Variants in TMED10 observed in about 807,000 individuals in gnomAD.
TMED10 encodes transmembrane p24 trafficking protein 10, also known as transmembrane emp24 domain-containing protein 10.
Under a neutral mutation model 23.1 loss-of-function variants are expected in TMED10, and 7 were observed. The observed-to-expected ratio is 0.30, with a 90% CI of 0.17 to 0.57. The LOEUF is 0.57. TMED10 is among the 20% of genes least tolerant of loss of function. The pLI, the probability that TMED10 is intolerant of heterozygous loss-of-function variation, is 0.91. For missense variants in TMED10, 162 were observed against 274.8 expected, an observed-to-expected ratio of 0.59 and a Z score of 2.90; for synonymous variants, 113 against 106.9, an observed-to-expected ratio of 1.06 and a Z score of -0.35.
intron 1 of TMED10, among the ~76,000 whole-genome samples, chr14:75,171,179 A>G (rs1896228295): frequency 2.6e-5 from 4 of 151,896 alleles, no homozygotes; most frequent in Admixed American, 1.3e-4. Context: ...ATAGCCGGGG[A>G]AGGAGGGAGG....
At chr14:75,152,209 G>A in intron 1 of TMED10, 66 bp from the exon 2 acceptor site, 1 of 1,293,132 alleles carries the variant, frequency 7.7e-7, no homozygotes, top group Non-Finnish European at 1.1e-6. Context: ...TACAGAAACT[G>A]GGAAGATAGA....
chr14:75,137,694 C>CTCTT (rs1895769426), intron 3 of TMED10, among the ~76,000 whole-genome samples: 1 of 69,566 alleles, frequency 1.4e-5, no homozygotes, highest in African/African-American at 5.2e-5. Flanking sequence ...AAAAAAAATT[C>CTCTT]TGTTTCTTTC....
chr14:75,161,979 G>A (rs1008518562), intron 1 of TMED10, among the ~76,000 whole-genome samples: 1 of 151,358 alleles, frequency 6.6e-6, no homozygotes, highest in African/African-American at 2.4e-5. Context: ...GCATCTTATA[G>A]TGCCAGAAAG....
chr14:75,158,695 C>T (rs1035641624), intron 1 of TMED10, among the ~76,000 whole-genome samples: 12 of 151,888 alleles, frequency 7.9e-5, no homozygotes, highest in South Asian at 2.1e-4. Flanking sequence ...GAGGCCGAGG[C>T]GGGCAGATCA....
In TMED10 at chr14:75,170,152, C is replaced by T. The variant is rs559254283; in HGVS notation, c.225+6203G>A. ...TGAGGCAGGAGAATGGTGTGAACCC[C>T]GGGGAGCAGAGCCTGCAGTGAGCCA... On this transcript the variant is annotated intron_variant, in intron 1 of 4. Coordinates refer to ENST00000303575, the MANE Select transcript of TMED10 (RefSeq NM_006827.6). 7.2e-5 allele frequency among the ~76,000 whole-genome samples: 11 copies of T among 152,054 alleles called. No individual in the cohort carries two copies. The East Asian group carries it at 1.4e-3, about 19-fold the overall frequency.
In TMED10 at chr14:75,151,559, C is replaced by T. The variant is rs190654360; in HGVS notation, c.337+473G>A. ...CACTTTGTTAGAGCAGTTTTAGGTTCACAACAAAACTGAGAGGAAGGCACA... is the reference window on the plus strand; with the variant it reads ...CACTTTGTTAGAGCAGTTTTAGGTTTACAACAAAACTGAGAGGAAGGCACA... On this transcript the variant is annotated intron_variant, in intron 2 of 4. Transcript: ENST00000303575. 2.0e-5 allele frequency among the ~76,000 whole-genome samples: 3 copies of T among 152,240 alleles called. No homozygotes were observed. In the East Asian group the frequency reaches 5.8e-4, roughly 29 times the overall value.
At chr14:75,164,566 TATATATA>T (rs1354569345) in intron 1 of TMED10, among the ~76,000 whole-genome samples, 1 of 2,828 alleles carries the variant, frequency 3.5e-4, no homozygotes, top group African/African-American at 9.3e-4. Flanking sequence ...TATATATATA[TATATATA>T]TATATTTTTT....
At chr14:75,149,577 AC>A (rs1895930710) in intron 2 of TMED10, among the ~76,000 whole-genome samples, 2 of 152,272 alleles carry the variant, frequency 1.3e-5, no homozygotes, top group Admixed American at 1.3e-4. Context: ...TATACACAAA[AC>A]AACTATGGTG....
chr14:75,164,973 T>C (rs991502165), intron 1 of TMED10, among the ~76,000 whole-genome samples: 5 of 152,050 alleles, frequency 3.3e-5, no homozygotes, highest in African/African-American at 9.7e-5. Flanking sequence ...GAATCCAAGA[T>C]GATGCCAGCT....
chr14:75,156,837 G>C (rs927567186), intron 1 of TMED10, among the ~76,000 whole-genome samples: 2 of 151,578 alleles, frequency 1.3e-5, no homozygotes, highest in African/African-American at 4.9e-5. Context: ...GCTGAGGCAG[G>C]AGAATCGTTT....
intron 2 of TMED10, 72 bp from the exon 3 acceptor site, chr14:75,147,809 G>GCCCT: frequency 4.6e-6 from 6 of 1,302,590 alleles, no homozygotes; most frequent in East Asian, 2.8e-5. Context: ...CCACCCGCCC[G>GCCCT]CCCTCCCTCT....
chr14:75,176,594 G>C lies in TMED10; in HGVS notation c.-15C>G, dbSNP rs866580476. ...AAACCAGACATGGTGCTGGAGACTCGTTCACCACCGAAGGCCTCAACCGCG... is the reference window on the plus strand; with the variant it reads ...AAACCAGACATGGTGCTGGAGACTCCTTCACCACCGAAGGCCTCAACCGCG... On this transcript the variant is annotated 5_prime_UTR_variant, in exon 1 of 5. Coordinates refer to ENST00000303575, the MANE Select transcript of TMED10 (RefSeq NM_006827.6). 1.9e-6 allele frequency: 3 copies of C among 1,613,500 alleles called. No individual in the cohort carries two copies. Among genetic ancestry groups the C allele is most frequent in the Admixed American group, 3.3e-5 (2 of 59,962 alleles).
At chr14:75,173,515 G>A (rs1028986092) in intron 1 of TMED10, among the ~76,000 whole-genome samples, 5 of 152,060 alleles carry the variant, frequency 3.3e-5, no homozygotes, top group African/African-American at 1.2e-4. Flanking sequence ...TTTCTACTAC[G>A]TCCAATTATT....
chr14:75,139,635 CAAAAAAA>C, intron 3 of TMED10, among the ~76,000 whole-genome samples: 2 of 109,294 alleles, frequency 1.8e-5, no homozygotes, highest in Middle Eastern at 5.0e-3. Context: ...GACTCCGACT[CAAAAAAA>C]AAAAAAAAAA....
chr14:75,138,811 T>G (rs898774685), intron 3 of TMED10, among the ~76,000 whole-genome samples: 11 of 47,482 alleles, frequency 2.3e-4, no homozygotes, highest in Admixed American at 4.0e-4. Context: ...AGCCTTTGCT[T>G]CTTTTTTTTT....
chr14:75,136,259 G>A (rs1012559813), intron 3 of TMED10, among the ~76,000 whole-genome samples: 2 of 152,014 alleles, frequency 1.3e-5, no homozygotes, highest in African/African-American at 4.8e-5. Context: ...CCTGGGCTCA[G>A]GCAATCCTCT....
chr14:75,141,195 G>T (rs1171802717), intron 3 of TMED10, among the ~76,000 whole-genome samples: 1 of 152,106 alleles, frequency 6.6e-6, no homozygotes, highest in Non-Finnish European at 1.5e-5. Flanking sequence ...ACAGGAAGTG[G>T]GTGAGCTGGG....
At chr14:75,143,573 C>A (rs1030390744) in intron 3 of TMED10, among the ~76,000 whole-genome samples, 2 of 152,136 alleles carry the variant, frequency 1.3e-5, no homozygotes, top group Non-Finnish European at 2.9e-5. Context: ...TGCCTCCCAC[C>A]ACAGCCCCCA....
chr14:75,163,281 G>A (rs538103224), intron 1 of TMED10, among the ~76,000 whole-genome samples: 7 of 151,746 alleles, frequency 4.6e-5, no homozygotes, highest in East Asian at 3.9e-4. Context: ...GGCCAGGCGC[G>A]GTGGCTCACG....
Sources: gnomAD v4.1 joint callset for allele counts (sites outside exome capture counted in the v4.1 genomes callset) on GRCh38, gnomAD v4.1.1 for gene constraint, MANE v1.5 for transcripts, NCBI Gene and HGNC (gene_info 2026-07-23, HGNC 2026-07-21) for gene names.